Variants in LOC102723971 observed in about 807,000 individuals in gnomAD.
chr9:135,614,643 G>A, the LOC102723971 span, among the ~76,000 whole-genome samples: 3 of 152,184 alleles, frequency 2.0e-5, no homozygotes, highest in East Asian at 1.9e-4. Context: ...GCTGCAGGGC[G>A]GCAGCCGGAG....
chr9:135,616,439 C>G, the LOC102723971 span: 1 of 393,924 alleles, frequency 2.5e-6, no homozygotes, highest in South Asian at 1.4e-4. Flanking sequence ...GGGGAGCTGA[C>G]GCCCCGGGGA....
At chr9:135,616,761 T>G in the LOC102723971 span, 1 of 398,196 alleles carries the variant, frequency 2.5e-6, no homozygotes, top group African/African-American at 2.1e-5. Context: ...CAGAAGGGGT[T>G]GTCGGCTTTG....
the LOC102723971 span, chr9:135,614,208 C>A: frequency 2.5e-6 from 1 of 398,558 alleles, no homozygotes; most frequent in East Asian, 3.6e-5. Context: ...GAGGAGGGAG[C>A]TGGCTAGGGA....
chr9:135,617,444 G>A, the LOC102723971 span, among the ~76,000 whole-genome samples: 1,395 of 152,294 alleles, frequency 9.2e-3, 17 homozygotes, highest in African/African-American at 0.032. Context: ...GGGGGACATC[G>A]AGGGGCTGCA....
chr9:135,617,864 C>G, the LOC102723971 span: 1 of 397,562 alleles, frequency 2.5e-6, no homozygotes, highest in Non-Finnish European at 4.4e-6. Flanking sequence ...TCTGCCTCCC[C>G]GTTGTTCTCC....
chr9:135,617,992 G>A, the LOC102723971 span: 20 of 398,738 alleles, frequency 5.0e-5, no homozygotes, highest in East Asian at 6.8e-4. Flanking sequence ...GAAGATACTT[G>A]GAGTACGTGG....
the LOC102723971 span, among the ~76,000 whole-genome samples, chr9:135,616,171 G>A: frequency 6.6e-6 from 1 of 152,150 alleles, no homozygotes; most frequent in African/African-American, 2.4e-5. Flanking sequence ...GAGCATGGGG[G>A]CGAGGGGCCT....
At chr9:135,614,672 CTG>C in the LOC102723971 span, among the ~76,000 whole-genome samples, 1 of 152,190 alleles carries the variant, frequency 6.6e-6, no homozygotes, top group African/African-American at 2.4e-5. Context: ...CGCCCAGACA[CTG>C]GGCCCAGGCA....
the LOC102723971 span, among the ~76,000 whole-genome samples, chr9:135,617,377 G>GC: frequency 2.6e-5 from 4 of 152,180 alleles, no homozygotes; most frequent in African/African-American, 9.7e-5. Flanking sequence ...GTCCTGGGGG[G>GC]CTCCTGAAAG....
chr9:135,616,083 C>T, the LOC102723971 span, among the ~76,000 whole-genome samples: 1 of 152,176 alleles, frequency 6.6e-6, no homozygotes, highest in African/African-American at 2.4e-5. Context: ...TGGTGGGCAC[C>T]CACCCCAAAT....
At chr9:135,614,480 C>T in the LOC102723971 span, 1 of 396,624 alleles carries the variant, frequency 2.5e-6, no homozygotes, top group Non-Finnish European at 4.4e-6. Flanking sequence ...CCTGCAGCAG[C>T]TCTGGAGGGT....
chr9:135,618,804 G>A, the LOC102723971 span: 10 of 397,444 alleles, frequency 2.5e-5, no homozygotes, highest in Non-Finnish European at 4.0e-5. Context: ...ACATGGGGAG[G>A]CAGAAGGCCC....
At chr9:135,618,222 G>A in the LOC102723971 span, among the ~76,000 whole-genome samples, 6 of 152,098 alleles carry the variant, frequency 3.9e-5, no homozygotes, top group Non-Finnish European at 7.4e-5. Context: ...ACATGACACA[G>A]TGATATGGGT....
the LOC102723971 span, among the ~76,000 whole-genome samples, chr9:135,617,757 G>A: frequency 3.9e-5 from 6 of 152,268 alleles, no homozygotes; most frequent in South Asian, 2.1e-4. Context: ...AGAGCTGGCC[G>A]GGCCTGGGAG....
the LOC102723971 span, among the ~76,000 whole-genome samples, chr9:135,617,689 C>T: frequency 2.6e-5 from 4 of 152,168 alleles, no homozygotes; most frequent in African/African-American, 9.7e-5. Context: ...GGCATTTTAC[C>T]TGCCGTGCTC....
the LOC102723971 span, chr9:135,618,850 G>A: frequency 1.8e-5 from 7 of 398,558 alleles, no homozygotes; most frequent in Non-Finnish European, 3.1e-5. Context: ...TTTGTGCTAT[G>A]TGATTGATTT....
At chr9:135,619,686 A>C in the LOC102723971 span, among the ~76,000 whole-genome samples, 1 of 152,054 alleles carries the variant, frequency 6.6e-6, no homozygotes, top group African/African-American at 2.4e-5. Context: ...CTCGGAGCCC[A>C]GGATTCTGAA....
At chr9:135,619,678 C>T in the LOC102723971 span, among the ~76,000 whole-genome samples, 7 of 152,226 alleles carry the variant, frequency 4.6e-5, no homozygotes, top group East Asian at 1.9e-4. Flanking sequence ...GCCCACTCCT[C>T]GGAGCCCAGG....
At chr9:135,618,617 T>G in the LOC102723971 span, among the ~76,000 whole-genome samples, 23 of 151,742 alleles carry the variant, frequency 1.5e-4, no homozygotes, top group Admixed American at 1.4e-3. Context: ...TGGGTGGCCC[T>G]GAGATGAGGT....
Sources: allele counts gnomAD v4.1 joint callset (sites outside exome capture counted in the v4.1 genomes callset), GRCh38; gene constraint gnomAD v4.1.1; transcripts MANE v1.5.